GNS: variants seen among roughly 807,000 people sequenced by gnomAD.
The protein encoded by GNS is N-acetylglucosamine-6-sulfatase.
In GNS, 40 loss-of-function variants were observed where a neutral mutation model predicts 69.7. The ratio of observed to expected loss-of-function variants is 0.57; its 90% CI spans 0.45 to 0.75. The LOEUF (loss-of-function observed/expected upper bound fraction) is 0.75. GNS is among the 30% of genes least tolerant of loss of function. The pLI is 0.00. For synonymous variants in GNS, 243 were observed against 251.6 expected, an observed-to-expected ratio of 0.97 and a Z score of 0.32; for missense variants, 565 against 685.5, an observed-to-expected ratio of 0.82 and a Z score of 1.96.
At chr12:64,740,750 T>G in intron 6 of GNS, 62 bp from the exon 7 acceptor site, 1 of 813,416 alleles carries the variant, frequency 1.2e-6, no homozygotes, top group Non-Finnish European at 2.2e-6. Flanking sequence ...AACTACTGGA[T>G]TACTACAGTA....
intron 10 of GNS, among the ~76,000 whole-genome samples, chr12:64,728,681 T>G (rs1375698000): frequency 2.6e-5 from 4 of 152,218 alleles, no homozygotes. Flanking sequence ...ACTCATGTAT[T>G]TGGACTAATG....
At chr12:64,735,466 T>C (rs993923605) in intron 9 of GNS, among the ~76,000 whole-genome samples, 9 of 152,242 alleles carry the variant, frequency 5.9e-5, no homozygotes, top group Non-Finnish European at 1.2e-4. Context: ...AAATGTTAGC[T>C]ATATTATTGA....
chr12:64,743,183 A>G lies in GNS; in HGVS notation c.750T>C (p.Asn250=), dbSNP rs752828899. The change falls in exon 6 of 14, where the codon AAT becomes AAC. Residue 250 remains asparagine (N), a synonymous_variant. Coordinates refer to ENST00000258145, the MANE Select transcript of GNS (RefSeq NM_002076.4). Reference sequence around the variant, plus strand: ...AGTTCTTGTTTCTTGGTGCAAAGACATTCTGGAAAGCCTTCTGGTACTGAG... The same window carrying G: ...AGTTCTTGTTTCTTGGTGCAAAGACGTTCTGGAAAGCCTTCTGGTACTGAG... ...AAPQYQKAFQ[N]VFAPRNKNFN... The G allele has an allele frequency of 2.5e-6, 4 of 1,613,802 alleles. No homozygotes were observed. In the East Asian group the frequency reaches 6.7e-5, roughly 27 times the overall value.
Position 64,745,250 on chromosome 12 carries a change from CT to C in GNS, c.526-344del, listed in dbSNP as rs546808871. Among the ~76,000 whole-genome samples, 125 of 101,768 alleles carry C rather than the reference CT, an allele frequency of 1.2e-3. 1 individual carries two copies. The highest frequency in any genetic ancestry group is 4.6e-3 in the African/African-American group (120 of 26,170). The allele number at this position is 101,768 out of a possible 152,430, so 66.8% of individuals were successfully genotyped here. A position where few individuals can be genotyped will look rare whatever the true frequency, so the allele number is the denominator to read the frequency against. On this transcript the variant is annotated intron_variant, in intron 4 of 13. Transcript: ENST00000258145. ...TTTTTTTTTTAAAGAGACAGAGTCTCTCTTTGTTGCCCAGACTGGAATGCAG... is the reference window on the plus strand; with the variant it reads ...TTTTTTTTTTAAAGAGACAGAGTCTCCTTTGTTGCCCAGACTGGAATGCAG...
intron 10 of GNS, 93 bp downstream of exon 10, chr12:64,728,863 T>C (rs1869293991): frequency 2.9e-6 from 2 of 697,370 alleles, no homozygotes; most frequent in South Asian, 1.6e-5. Flanking sequence ...CCAAATTTAA[T>C]AGTATTATTT....
chr12:64,744,546 T>C (rs1424623298), intron 5 of GNS, among the ~76,000 whole-genome samples: 2 of 152,022 alleles, frequency 1.3e-5, no homozygotes, highest in African/African-American at 4.8e-5. Flanking sequence ...AAGTAATCTC[T>C]GTAGTCGAAG....
chr12:64,730,269 C>T (rs935621993), intron 9 of GNS, among the ~76,000 whole-genome samples: 3 of 152,016 alleles, frequency 2.0e-5, no homozygotes, highest in African/African-American at 7.3e-5. Context: ...CAGCTTATAA[C>T]TGGAAAAGCC....
chr12:64,746,507 T>G (rs1249728701), intron 3 of GNS, among the ~76,000 whole-genome samples: 1 of 152,166 alleles, frequency 6.6e-6, no homozygotes, highest in Non-Finnish European at 1.5e-5. Context: ...ATACTTCTGC[T>G]CCCAAGCATT....
intron 9 of GNS, among the ~76,000 whole-genome samples, chr12:64,736,441 C>T (rs1373531602): frequency 6.6e-6 from 1 of 152,198 alleles, no homozygotes; most frequent in Non-Finnish European, 1.5e-5. Context: ...CAGCAGACAT[C>T]ACCCGGGAGC....
intron 1 of GNS, 74 bp downstream of exon 1, chr12:64,759,011 G>T: frequency 1.6e-6 from 2 of 1,252,822 alleles, no homozygotes; most frequent in Non-Finnish European, 2.3e-6. Context: ...GGGTGGTGGG[G>T]ACCGGGAAAG....
intron 5 of GNS, among the ~76,000 whole-genome samples, chr12:64,744,348 C>T (rs868498249): frequency 2.0e-5 from 3 of 152,116 alleles, no homozygotes; most frequent in Admixed American, 6.5e-5. Flanking sequence ...ATTAGAAACG[C>T]CTCAGAATAG....
Position 64,749,873 on chromosome 12 carries a change from AT to A in GNS, c.253-1956del, listed in dbSNP as rs35784292. 5.5e-3 allele frequency among the ~76,000 whole-genome samples: 699 copies of A among 127,792 alleles called. 7 individuals are homozygous for A. The highest frequency in any genetic ancestry group is 0.016 in the African/African-American group (539 of 33,644). The allele number at this position is 127,792 out of a possible 152,430, so 83.8% of individuals were successfully genotyped here. On this transcript the variant is annotated intron_variant, in intron 2 of 13. Coordinates refer to ENST00000258145, the MANE Select transcript of GNS (RefSeq NM_002076.4). ...TTACATTTTAGCATCTGGTAGAGCA[AT>A]TTTTTTTTTTTTTTTTTTTGAGACA...
At chr12:64,717,518 ATTTTTTTTT>A (rs57088346) in intron 13 of GNS, among the ~76,000 whole-genome samples, 120 of 131,418 alleles carry the variant, frequency 9.1e-4, no homozygotes, top group Admixed American at 1.2e-3. Context: ...CACCTGGCTA[ATTTTTTTTT>A]TTTTTTTTTT....
chr12:64,756,858 TA>T, intron 1 of GNS: 14 of 643,834 alleles, frequency 2.2e-5, no homozygotes, highest in South Asian at 5.5e-5. Context: ...AAACACTTAT[TA>T]AAAAAAAGAA....
rs1181742350 is a variant in GNS at position 64,716,717 on chromosome 12, A to G, written c.*24T>C. The G allele has an allele frequency of 1.4e-6, 2 of 1,449,922 alleles. No individual in the cohort carries two copies. The highest frequency in any genetic ancestry group is 1.7e-5 in the Admixed American group (1 of 59,782). 89.8% of individuals were successfully genotyped at this position (1,449,922 alleles called of 1,614,324 possible). ...ATCAGAAAGAGGCGTGCAGGGATCCATCTGCAGAGGCTGTGTGAGGTCGCT... is the reference window on the plus strand; with the variant it reads ...ATCAGAAAGAGGCGTGCAGGGATCCGTCTGCAGAGGCTGTGTGAGGTCGCT... On this transcript the variant is annotated 3_prime_UTR_variant, in exon 14 of 14. Coordinates refer to ENST00000258145, the MANE Select transcript of GNS (RefSeq NM_002076.4).
intron 1 of GNS, chr12:64,753,013 C>G (rs970736175): frequency 1.9e-6 from 1 of 526,200 alleles, no homozygotes; most frequent in African/African-American, 1.9e-5. Flanking sequence ...ATCTTTGTGC[C>G]CTTATTAGTC....
At chr12:64,752,960 C>T in intron 1 of GNS, 1 of 588,940 alleles carries the variant, frequency 1.7e-6, no homozygotes, top group Non-Finnish European at 3.0e-6. Flanking sequence ...TGCAGGAAGT[C>T]AAAATGCTTG....
At chr12:64,754,583 G>C (rs1870188239) in intron 1 of GNS, among the ~76,000 whole-genome samples, 1 of 151,964 alleles carries the variant, frequency 6.6e-6, no homozygotes, top group African/African-American at 2.4e-5. Context: ...AGTGATGCAG[G>C]GCCACATAGG....
In GNS at chr12:64,722,967, G is replaced by A. The variant is rs753625359; in HGVS notation, c.1308+39C>T. 7.5e-6 allele frequency: 9 copies of A among 1,194,554 alleles called. No individual in the cohort carries two copies. In the South Asian group the frequency reaches 1.1e-4, roughly 14 times the overall value. The allele number at this position is 1,194,554 out of a possible 1,614,324, so 74.0% of individuals were successfully genotyped here. A position where few individuals can be genotyped will look rare whatever the true frequency, so the allele number is the denominator to read the frequency against. ...CAACCAGCACCTTGCCATGTTGTCA[G>A]TGAGAAAGCTGTCTAAGTTGATTCA... On this transcript the variant is annotated intron_variant, in intron 11 of 13. Coordinates refer to ENST00000258145, the MANE Select transcript of GNS (RefSeq NM_002076.4).
Sources: allele counts gnomAD v4.1 joint callset (sites outside exome capture counted in the v4.1 genomes callset), GRCh38; gene constraint gnomAD v4.1.1; transcripts MANE v1.5; gene names NCBI Gene and HGNC (gene_info 2026-07-23, HGNC 2026-07-21).